GRIK4: variants seen among roughly 807,000 people sequenced by gnomAD.
The protein encoded by GRIK4 is glutamate ionotropic receptor kainate type subunit 4, also known as glutamate receptor ionotropic, kainate 4.
Under a neutral mutation model 104.9 loss-of-function variants are expected in GRIK4, and 40 were observed. The ratio of observed to expected loss-of-function variants is 0.38; its 90% CI spans 0.30 to 0.50. GRIK4 has a LOEUF of 0.50. GRIK4 is among the 20% of genes least tolerant of loss of function. The pLI is 0.93. For synonymous variants in GRIK4, 485 were observed against 524.9 expected, an observed-to-expected ratio of 0.92 and a Z score of 1.04; for missense variants, 1,047 against 1,308.1, an observed-to-expected ratio of 0.80 and a Z score of 3.08.
rs762688195 is a variant in GRIK4 at position 120,967,151 on chromosome 11, G to A, written c.2267-44G>A. The A allele has an allele frequency of 3.2e-6, 5 of 1,583,804 alleles. No homozygotes were observed. The highest frequency in any genetic ancestry group is 8.6e-7 in the Non-Finnish European group (1 of 1,164,458). On this transcript the variant is annotated intron_variant, in intron 18 of 20. Transcript: ENST00000527524. The surrounding 1 kb of genome is among the most constrained non-coding windows in gnomAD (Gnocchi z 4.2). Reference sequence around the variant, plus strand: ...AGGGGAGCAGAGTGACACCTAACAGGGCATTCACAACCTGTGTCCTGGGCT... The same window carrying A: ...AGGGGAGCAGAGTGACACCTAACAGAGCATTCACAACCTGTGTCCTGGGCT...
chr11:120,817,825 T>A (rs913931113), intron 5 of GRIK4, among the ~76,000 whole-genome samples: 1 of 152,192 alleles, frequency 6.6e-6, no homozygotes, highest in African/African-American at 2.4e-5. Context: ...TCACCCCCTG[T>A]ACGCACAACT....
rs140568956 is a variant in GRIK4, at chr11:120,626,099, C to T, written c.-158-27586C>T. On this transcript the variant is annotated intron_variant, in intron 1 of 20. Coordinates refer to ENST00000527524, the MANE Select transcript of GRIK4 (RefSeq NM_014619.5). ...TTATTTCAGATTCAAAGTGTCCCCC[C>T]GCCCCAACAAAAGATGCTTTAGAAA... 1.2e-3 allele frequency among the ~76,000 whole-genome samples: 177 copies of T among 152,280 alleles called. 1 individual carries two copies. The highest frequency in any genetic ancestry group is 3.9e-3 in the African/African-American group (161 of 41,546).
Position 120,986,254 on chromosome 11 carries a change from C to T in GRIK4, c.2865C>T (p.Pro955=), listed in dbSNP as rs745382532. Residue 955 remains proline (P), a synonymous_variant, in exon 21 of 21, where the codon CCC becomes CCT. Coordinates refer to ENST00000527524, the MANE Select transcript of GRIK4 (RefSeq NM_014619.5). ...AGAAAACCACCAACAGCAGCGAGCC[C>T]GAGTAGTCCCGGAGGCCACAGGACG... ...EWEKTTNSSE[P]E is the part of the protein sequence containing the mutation. The T allele has an allele frequency of 6.5e-6, 10 of 1,527,456 alleles. No homozygotes were observed. The highest frequency in any genetic ancestry group is 7.9e-6 in the Non-Finnish European group (9 of 1,143,858). 94.6% of individuals were successfully genotyped at this position (1,527,456 alleles called of 1,614,324 possible). A position where few individuals can be genotyped will look rare whatever the true frequency, so the allele number is the denominator to read the frequency against.
chr11:120,920,120 G>T (rs1399166208), intron 13 of GRIK4, among the ~76,000 whole-genome samples: 2 of 152,124 alleles, frequency 1.3e-5, no homozygotes, highest in African/African-American at 4.8e-5. Flanking sequence ...TCGCTGCTCT[G>T]CCAGCTATGA....
chr11:120,965,233 C>T (rs1302514908), intron 18 of GRIK4, among the ~76,000 whole-genome samples: 1 of 152,142 alleles, frequency 6.6e-6, no homozygotes, highest in Non-Finnish European at 1.5e-5. Flanking sequence ...AAGGAGTAAG[C>T]AGAATAAGCC....
chr11:120,917,182 G>GGTTGCC (rs1486642434), intron 13 of GRIK4, among the ~76,000 whole-genome samples: 1 of 146,582 alleles, frequency 6.8e-6, no homozygotes, highest in Non-Finnish European at 1.5e-5. Context: ...GGGAGGCGGA[G>GGTTGCC]GTTGCCGTGA....
intron 1 of GRIK4, among the ~76,000 whole-genome samples, chr11:120,591,244 G>T (rs1228682588): frequency 6.6e-6 from 1 of 151,718 alleles, no homozygotes; most frequent in Non-Finnish European, 1.5e-5. Context: ...GGGCATGGCT[G>T]TGCACCTGGA....
intron 3 of GRIK4, among the ~76,000 whole-genome samples, chr11:120,661,079 G>A (rs1316597082): frequency 6.6e-6 from 1 of 152,206 alleles, no homozygotes; most frequent in Non-Finnish European, 1.5e-5. Context: ...ACTGCAGGTT[G>A]AGGCTCTCTA....
rs371767692 is a variant in GRIK4 at position 120,956,912 on chromosome 11, C to T, written c.1833C>T (p.Ile611=). The T allele has an allele frequency of 2.4e-5, 39 of 1,613,172 alleles. No homozygotes were observed. Among genetic ancestry groups the T allele is most frequent in the Non-Finnish European group, 3.1e-5 (36 of 1,179,650 alleles). The stretch of plus-strand genomic sequence containing the variant: ...GGTTCATGCAGCAAGGCTCCACCAT[C>T]GCCCCTCGCGCCTTATCCACCCGCT... ...VGGFMQQGST[I]APRALSTRCV... is the part of the protein sequence containing the mutation. Residue 611 remains isoleucine (I), a synonymous_variant, in exon 16 of 21, where the codon ATC becomes ATT. Coordinates refer to ENST00000527524, the MANE Select transcript of GRIK4 (RefSeq NM_014619.5). The surrounding 1 kb of genome is among the most constrained non-coding windows in gnomAD (Gnocchi z 4.6).
At chr11:120,881,127 T>A (rs1019191100) in intron 11 of GRIK4, among the ~76,000 whole-genome samples, 2 of 152,222 alleles carry the variant, frequency 1.3e-5, no homozygotes, top group Admixed American at 6.5e-5. Context: ...AAGGCCCAGA[T>A]TGAACACCAC....
At chr11:120,779,647 GTAATAA>G (rs35343601) in intron 3 of GRIK4, among the ~76,000 whole-genome samples, 1 of 151,734 alleles carries the variant, frequency 6.6e-6, no homozygotes, top group South Asian at 2.1e-4. Flanking sequence ...CATCTGCAAA[GTAATAA>G]TAATAATAAT....
intron 1 of GRIK4, among the ~76,000 whole-genome samples, chr11:120,586,584 G>A (rs968859305): frequency 3.3e-5 from 5 of 152,130 alleles, no homozygotes; most frequent in African/African-American, 7.2e-5. Flanking sequence ...GAAGATCAGC[G>A]AGGAGTTCTC....
At chr11:120,678,394 C>T (rs573120490) in intron 3 of GRIK4, among the ~76,000 whole-genome samples, 2 of 152,226 alleles carry the variant, frequency 1.3e-5, no homozygotes, top group East Asian at 1.9e-4. Context: ...TATTTATAGT[C>T]GCTTATTTAT....
At chr11:120,570,104 C>T (rs1260028882) in intron 1 of GRIK4, among the ~76,000 whole-genome samples, 3 of 152,164 alleles carry the variant, frequency 2.0e-5, no homozygotes, top group Non-Finnish European at 2.9e-5. Context: ...AGTGAGAGAC[C>T]GCCAGGGCGA....
At chr11:120,713,746 A>G (rs559334934) in intron 3 of GRIK4, among the ~76,000 whole-genome samples, 10 of 152,166 alleles carry the variant, frequency 6.6e-5, no homozygotes, top group Non-Finnish European at 1.3e-4. Flanking sequence ...AGGTTGCCCT[A>G]AGAGATGTAC....
intron 1 of GRIK4, among the ~76,000 whole-genome samples, chr11:120,537,388 T>C (rs767339822): frequency 1.1e-4 from 16 of 152,190 alleles, no homozygotes; most frequent in Non-Finnish European, 1.9e-4. Context: ...CTCAGCCTCT[T>C]AGGAAGCTTC....
chr11:120,778,405 C>T (rs1952084772), intron 3 of GRIK4, among the ~76,000 whole-genome samples: 1 of 152,124 alleles, frequency 6.6e-6, no homozygotes, highest in South Asian at 2.1e-4. Context: ...GTTTATATCC[C>T]TATGCCTTAT....
chr11:120,674,415 C>T (rs1473678321), intron 3 of GRIK4, among the ~76,000 whole-genome samples: 1 of 152,232 alleles, frequency 6.6e-6, no homozygotes, highest in Non-Finnish European at 1.5e-5. Context: ...AACACATCCC[C>T]CTGCCCTGGC....
At chr11:120,682,947 C>T (rs1591800688) in intron 3 of GRIK4, among the ~76,000 whole-genome samples, 1 of 152,030 alleles carries the variant, frequency 6.6e-6, no homozygotes, top group East Asian at 1.9e-4. Context: ...TCTCTAAAAC[C>T]CAGGTTAAGT....
Sources: allele counts gnomAD v4.1 joint callset (sites outside exome capture counted in the v4.1 genomes callset), GRCh38; gene constraint gnomAD v4.1.1; non-coding constraint Gnocchi (gnomAD v3.1); transcripts MANE v1.5; gene names NCBI Gene and HGNC (gene_info 2026-07-23, HGNC 2026-07-21).